Variants in CYP27C1 observed in about 807,000 individuals in gnomAD.
The protein encoded by CYP27C1 is cytochrome P450 family 27 subfamily C member 1, also known as cytochrome P450 27C1.
A neutral mutation model predicts 40.6 loss-of-function variants in CYP27C1; 29 were observed. The ratio of observed to expected loss-of-function variants is 0.71; its 90% CI spans 0.53 to 0.97. The LOEUF (loss-of-function observed/expected upper bound fraction) is 0.97, where lower values mean the gene tolerates loss of function less well. CYP27C1 is among the 50% of genes least tolerant of loss of function. The pLI is 0.00. For synonymous variants in CYP27C1, 198 were observed against 186.8 expected, an observed-to-expected ratio of 1.06 and a Z score of -0.49; for missense variants, 390 against 485.8, an observed-to-expected ratio of 0.80 and a Z score of 1.85.
In CYP27C1 at chr2:127,184,395, T is replaced by C. The variant is rs911349528; in HGVS notation, c.*2876A>G. The C allele has an allele frequency of 1.3e-5, 2 of 151,982 alleles. No individual in the cohort carries two copies. The highest frequency in any genetic ancestry group is 2.9e-5 in the Non-Finnish European group (2 of 67,998). 9.4% of individuals were successfully genotyped at this position (151,982 alleles called of 1,614,324 possible). ...ATCTGTAACAGTTCTCCTCTCCCCT[T>C]GGTTTTTTTTTTGCTTTTTGGTTTT... On this transcript the variant is annotated 3_prime_UTR_variant, in exon 9 of 9. Coordinates refer to ENST00000664447, the MANE Select transcript of CYP27C1 (RefSeq NM_001367502.1).
chr2:127,189,621 T>TTA (rs1682717999), intron 8 of CYP27C1, among the ~76,000 whole-genome samples: 1 of 141,388 alleles, frequency 7.1e-6, no homozygotes, highest in African/African-American at 2.6e-5. Context: ...AAAGTAAAAT[T>TTA]AAAAAAAAAA....
At chr2:127,188,750 T>C (rs4284778) in intron 8 of CYP27C1, among the ~76,000 whole-genome samples, 18,713 of 152,052 alleles carry the variant, frequency 0.12, 1,224 homozygotes, top group African/African-American at 0.14. Flanking sequence ...CACAGTGAGT[T>C]TGAAAGAACA....
intron 2 of CYP27C1, chr2:127,205,582 T>G: frequency 3.0e-6 from 2 of 658,416 alleles, no homozygotes; most frequent in Non-Finnish European, 3.8e-6. Context: ...AAGGGCGCTG[T>G]GAGTTTTGTC....
At chr2:127,203,700 G>T in intron 2 of CYP27C1, 129 bp from the exon 3 acceptor site, 2 of 894,240 alleles carry the variant, frequency 2.2e-6, no homozygotes, top group Non-Finnish European at 3.3e-6. Flanking sequence ...GTAGAATTAA[G>T]ACAGGAAAGA....
intron 1 of CYP27C1, among the ~76,000 whole-genome samples, chr2:127,215,503 A>G (rs1683414685): frequency 6.6e-6 from 1 of 152,188 alleles, no homozygotes; most frequent in South Asian, 2.1e-4. Context: ...AGTGCAAGTA[A>G]CAAAAGAAAA....
At chr2:127,211,376 T>TG (rs1293630521) in intron 1 of CYP27C1, among the ~76,000 whole-genome samples, 1,528 of 98,614 alleles carry the variant, frequency 0.015, 62 homozygotes, top group African/African-American at 0.049. Flanking sequence ...TTTGTTTTTT[T>TG]TTTTTTTTTT....
At chr2:127,203,038 G>A (rs963060291) in intron 3 of CYP27C1, among the ~76,000 whole-genome samples, 1 of 152,000 alleles carries the variant, frequency 6.6e-6, no homozygotes, top group Admixed American at 6.6e-5. Flanking sequence ...AGTGGTGGCA[G>A]GTGCCTGTAA....
intron 1 of CYP27C1, among the ~76,000 whole-genome samples, chr2:127,210,554 A>G (rs1683315989): frequency 1.3e-5 from 2 of 152,190 alleles, no homozygotes; most frequent in Non-Finnish European, 1.5e-5. Context: ...CAGTTAAAAG[A>G]CACAGACTGG....
chr2:127,193,104 A>AC lies in CYP27C1; in HGVS notation c.1486dup (p.Val496GlyfsTer10). On this transcript the variant is annotated frameshift_variant, in exon 8 of 9. Transcript: ENST00000664447. LOFTEE classifies it high-confidence loss of function. ...GCCTCCACGCCCTACCTGGATCACG[A>AC]CGAGGTGAATCTCCAGTTCTGCAAT... is the stretch of plus-strand genomic sequence containing the variant. The AC allele has an allele frequency of 6.2e-7, 1 of 1,614,192 alleles. No individual in the cohort carries two copies. Among genetic ancestry groups the AC allele is most frequent in the African/African-American group, 1.3e-5 (1 of 75,060 alleles).
chr2:127,204,913 G>A (rs932685230), intron 2 of CYP27C1, among the ~76,000 whole-genome samples: 6 of 152,162 alleles, frequency 3.9e-5, no homozygotes, highest in African/African-American at 1.4e-4. Context: ...CCACTTTCGC[G>A]TTCTCAAGGA....
rs1415272175 is a variant in CYP27C1 at position 127,206,042 on chromosome 2, G to A, written c.331C>T (p.Pro111Ser). The change falls in exon 2 of 9, where the codon CCT becomes TCT. Residue 111 changes from proline to serine, a missense_variant. Coordinates refer to ENST00000664447, the MANE Select transcript of CYP27C1 (RefSeq NM_001367502.1). ...YGKIFKSHFG[P>S]QFVVSIADRD... ...TCTGCAATAGATACTACAAACTGAG[G>A]ACCAAAGTGAGACTTGAAGATTTTT... 6.6e-6 allele frequency among the ~76,000 whole-genome samples: 1 copy of A among 152,222 alleles called. No homozygotes were observed. The highest frequency in any genetic ancestry group is 1.5e-5 in the Non-Finnish European group (1 of 68,044).
rs1682619549 is a variant in CYP27C1, at chr2:127,186,147, A to C, written c.*1124T>G. 1 of 152,222 alleles carries C rather than the reference A, an allele frequency of 6.6e-6. No homozygotes were observed. The highest frequency in any genetic ancestry group is 2.1e-4 in the South Asian group (1 of 4,834). 9.4% of individuals were successfully genotyped at this position (152,222 alleles called of 1,614,324 possible). On this transcript the variant is annotated 3_prime_UTR_variant, in exon 9 of 9. Transcript: ENST00000664447. This position sits in a 1 kb window ranked among gnomAD's most constrained non-coding sequence, Gnocchi z 4.5. The stretch of plus-strand genomic sequence containing the variant: ...CTCACAACTTAGGCAACAAAATTTT[A>C]CGTCATCATATTTCCAGTTCTTATA...
Position 127,187,357 on chromosome 2 carries a change from A to G in CYP27C1, c.1528T>C (p.Ser510Pro), listed in dbSNP as rs1356681239. ...TTTGCATGAACAGCATTGGTCTGAGAAGATGTTTTGATCTCAAAATGTTGA... is the reference window on the plus strand; with the variant it reads ...TTTGCATGAACAGCATTGGTCTGAGGAGATGTTTTGATCTCAAAATGTTGA... Reference protein sequence around the residue: ...LLQHFEIKTSSQTNAVHAKTH... With the variant: ...LLQHFEIKTSPQTNAVHAKTH... Residue 510 changes from serine to proline, a missense_variant, in exon 9 of 9, where the codon TCT becomes CCT. Transcript: ENST00000664447. The G allele has an allele frequency of 1.2e-6, 2 of 1,614,124 alleles. No individual in the cohort carries two copies. The highest frequency in any genetic ancestry group is 1.7e-6 in the Non-Finnish European group (2 of 1,179,988).
chr2:127,190,300 C>CTGCT (rs1006518582), intron 8 of CYP27C1, among the ~76,000 whole-genome samples: 1 of 149,016 alleles, frequency 6.7e-6, no homozygotes, highest in African/African-American at 2.5e-5. Flanking sequence ...TTGTGCCTTC[C>CTGCT]TGCTCATTCC....
chr2:127,212,267 G>C (rs1683354599), intron 1 of CYP27C1, among the ~76,000 whole-genome samples: 1 of 152,146 alleles, frequency 6.6e-6, no homozygotes, highest in African/African-American at 2.4e-5. Flanking sequence ...CATTCCTTCT[G>C]AAACTATTCC....
intron 1 of CYP27C1, among the ~76,000 whole-genome samples, chr2:127,214,369 C>T (rs1007281576): frequency 1.3e-5 from 2 of 152,148 alleles, no homozygotes; most frequent in Admixed American, 6.5e-5. Flanking sequence ...CACATGCACA[C>T]ATATTTTTAC....
At position 127,184,400 on chromosome 2, in the gene CYP27C1, T is replaced by C. The variant is rs1210784017; in HGVS notation, c.*2871A>G. 6.6e-6 allele frequency: 1 copy of C among 152,134 alleles called. No homozygotes were observed. The highest frequency in any genetic ancestry group is 1.9e-4 in the East Asian group (1 of 5,198). The allele number at this position is 152,134 out of a possible 1,614,324, so 9.4% of individuals were successfully genotyped here. A position where few individuals can be genotyped will look rare whatever the true frequency, so the allele number is the denominator to read the frequency against. On this transcript the variant is annotated 3_prime_UTR_variant, in exon 9 of 9. Transcript: ENST00000664447. ...TAACAGTTCTCCTCTCCCCTTGGTT[T>C]TTTTTTTGCTTTTTGGTTTTTGTTT...
At chr2:127,192,310 C>T (rs1029627944) in intron 8 of CYP27C1, among the ~76,000 whole-genome samples, 1 of 152,172 alleles carries the variant, frequency 6.6e-6, no homozygotes, top group Non-Finnish European at 1.5e-5. Context: ...TCCCAAACTT[C>T]GGGCCAAGGT....
intron 1 of CYP27C1, among the ~76,000 whole-genome samples, chr2:127,211,108 C>A (rs1419090403): frequency 6.6e-6 from 1 of 151,934 alleles, no homozygotes; most frequent in Non-Finnish European, 1.5e-5. Context: ...TAAAATTGAC[C>A]ACATATACTC....
Sources: gnomAD v4.1 joint callset for allele counts (sites outside exome capture counted in the v4.1 genomes callset) on GRCh38, gnomAD v4.1.1 for gene constraint, Gnocchi (gnomAD v3.1) non-coding constraint, MANE v1.5 for transcripts, NCBI Gene and HGNC (gene_info 2026-07-23, HGNC 2026-07-21) for gene names.